The following NFKBIZ variants were observed in gnomAD, a reference collection of about 807,000 sequenced individuals.
NFKBIZ encodes NF-kappa-B inhibitor zeta.
NFKBIZ carries 19 observed loss-of-function variants against 76.8 expected under a neutral mutation model. The observed-to-expected ratio is 0.25, with a 90% confidence interval of 0.17 to 0.36. NFKBIZ has a LOEUF of 0.36. NFKBIZ is among the 10% of genes least tolerant of loss of function. NFKBIZ has a pLI of 1.00. For synonymous variants in NFKBIZ, 368 were observed against 354.8 expected, an observed-to-expected ratio of 1.04 and a Z score of -0.42; for missense variants, 829 against 910.9, an observed-to-expected ratio of 0.91 and a Z score of 1.16.
In NFKBIZ at chr3:101,854,653, C is replaced by T; in HGVS notation, c.1413C>T (p.His471=). The stretch of plus-strand genomic sequence containing the variant: ...TTGCAAGAAAGATGAATGCACTTCA[C>T]ATGCTGGATATTAAAGAGCACAATG... ...YVLARKMNAL[H]MLDIKEHNGQ... is the part of the protein sequence containing the mutation. The change falls in exon 6 of 12, where the codon CAC becomes CAT. Residue 471 remains histidine (H), a synonymous_variant. Coordinates refer to ENST00000326172, the MANE Select transcript of NFKBIZ (RefSeq NM_031419.4). 5 of 1,613,816 alleles carry T rather than the reference C, an allele frequency of 3.1e-6. No individual in the cohort carries two copies. The highest frequency in any genetic ancestry group is 4.2e-6 in the Non-Finnish European group (5 of 1,179,840).
At chr3:101,857,229 T>G in intron 10 of NFKBIZ, 46 bp downstream of exon 10, 2 of 1,612,228 alleles carry the variant, frequency 1.2e-6, no homozygotes, top group Middle Eastern at 3.3e-4. Flanking sequence ...CTCAAAGTTT[T>G]TGAGCTCCTT....
At chr3:101,853,939 G>T in intron 5 of NFKBIZ, 76 bp downstream of exon 5, 1 of 1,430,992 alleles carries the variant, frequency 7.0e-7, no homozygotes, top group Non-Finnish European at 9.6e-7. Context: ...AATTTTTCTA[G>T]GGTATAACAA....
intron 11 of NFKBIZ, among the ~76,000 whole-genome samples, chr3:101,858,889 G>A (rs1187772380): frequency 6.6e-6 from 1 of 152,184 alleles, no homozygotes; most frequent in East Asian, 1.9e-4. Context: ...TTACTTGTGT[G>A]TGTATCATAA....
rs1348195027 is a variant in NFKBIZ at position 101,853,664 on chromosome 3, A to G, written c.1138A>G (p.Ser380Gly). ...GCACAGCTTCAGCATGATGCCCAGC[A>G]GCGCCTGTGAGGCCATGGTGGGGCA... ...HLHSFSMMPSSACEAMVGHEM... is the reference protein window; with the variant it reads ...HLHSFSMMPSGACEAMVGHEM... Residue 380 changes from serine (S) to glycine (G), a missense_variant, in exon 5 of 12, where the codon AGC (serine) becomes GGC (glycine). Around this residue, in one of 4 missense-constraint regions of NFKBIZ, gnomAD observed 371 missense variants for 332.3 expected, o/e 1.12. Transcript: ENST00000326172. 1 of 1,614,274 alleles carries G rather than the reference A, an allele frequency of 6.2e-7. No individual in the cohort carries two copies. The highest frequency in any genetic ancestry group is 1.1e-5 in the South Asian group (1 of 91,088).
At chr3:101,832,054 G>A (rs189671702) in intron 2 of NFKBIZ, among the ~76,000 whole-genome samples, 3 of 152,152 alleles carry the variant, frequency 2.0e-5, no homozygotes, top group Admixed American at 2.0e-4. Flanking sequence ...GACTACTACA[G>A]GTGCATGCCA....
chr3:101,844,470 T>G (rs1377843258), intron 2 of NFKBIZ, among the ~76,000 whole-genome samples: 1 of 152,232 alleles, frequency 6.6e-6, no homozygotes, highest in African/African-American at 2.4e-5. Context: ...TACCCATTGC[T>G]TTTGTACCAT....
At chr3:101,854,473 C>A (rs1576817133) in intron 5 of NFKBIZ, 105 bp from the exon 6 acceptor site, 1 of 665,206 alleles carries the variant, frequency 1.5e-6, no homozygotes, top group Non-Finnish European at 2.6e-6. Flanking sequence ...TTGAGTGTAC[C>A]AATATATAAA....
chr3:101,830,785 A>T (rs931598666), intron 2 of NFKBIZ, among the ~76,000 whole-genome samples: 1 of 152,326 alleles, frequency 6.6e-6, no homozygotes, highest in South Asian at 2.1e-4. Flanking sequence ...TGCAGTGAAC[A>T]TACAGGTGCA....
chr3:101,855,304 A>G, intron 7 of NFKBIZ, 91 bp from the exon 8 acceptor site: 1 of 1,605,178 alleles, frequency 6.2e-7, no homozygotes, highest in Admixed American at 1.7e-5. Flanking sequence ...GCAATGATCT[A>G]TTTTGAGTTA....
upstream of NFKBIZ, chr3:101,849,218 AGGCGG>A (rs2107410176): frequency 9.9e-6 from 1 of 101,138 alleles, no homozygotes; most frequent in Admixed American, 9.8e-5. Context: ...GGGGTCCCGG[AGGCGG>A]GAGGCGGGAG....
chr3:101,840,324 A>G (rs986832164), intron 2 of NFKBIZ, among the ~76,000 whole-genome samples: 1 of 152,162 alleles, frequency 6.6e-6, no homozygotes, highest in East Asian at 1.9e-4. Flanking sequence ...TAGAAACCAG[A>G]AAACACTCTC....
intron 9 of NFKBIZ, among the ~76,000 whole-genome samples, chr3:101,856,330 G>A (rs1006946185): frequency 3.9e-5 from 6 of 152,320 alleles, no homozygotes; most frequent in South Asian, 2.1e-4. Flanking sequence ...GATTACAGGC[G>A]TGAGCCACCG....
Position 101,860,600 on chromosome 3 carries a change from T to C in NFKBIZ, c.*1229T>C, listed in dbSNP as rs1388806814. Reference sequence around the variant, plus strand: ...ACAACAAAAAGTCAGTATTGAAACATATCTTCCTGTTTTCTGTTGTCAAAT... The same window carrying C: ...ACAACAAAAAGTCAGTATTGAAACACATCTTCCTGTTTTCTGTTGTCAAAT... On this transcript the variant is annotated 3_prime_UTR_variant, in exon 12 of 12. Coordinates refer to ENST00000326172, the MANE Select transcript of NFKBIZ (RefSeq NM_031419.4). The C allele has an allele frequency of 2.6e-5, 4 of 152,166 alleles. No homozygotes were observed. The highest frequency in any genetic ancestry group is 5.9e-5 in the Non-Finnish European group (4 of 68,014). The allele number at this position is 152,166 out of a possible 1,614,324, so 9.4% of individuals were successfully genotyped here. A position where few individuals can be genotyped will look rare whatever the true frequency, so the allele number is the denominator to read the frequency against.
chr3:101,857,450 G>C lies in NFKBIZ; in HGVS notation c.2094G>C (p.Val698=). The change falls in exon 11 of 12, where the codon GTG becomes GTC. Residue 698 remains valine (V), a synonymous_variant. Transcript: ENST00000326172. ...TGCATTTGGTTCCCGATGGCCCTGT[G>C]GGAGAACAGGTGAGAGGCACAGGAG... ...QPVHLVPDGP[V]GEQIRRILKG... The C allele has an allele frequency of 6.2e-7, 1 of 1,614,080 alleles. No homozygotes were observed. Among genetic ancestry groups the C allele is most frequent in the African/African-American group, 1.3e-5 (1 of 75,048 alleles).
At position 101,860,081 on chromosome 3, in the gene NFKBIZ, T is replaced by TA. The variant is rs1386231619; in HGVS notation, c.*711dup. 9 of 152,216 alleles carry TA rather than the reference T, an allele frequency of 5.9e-5. No individual in the cohort carries two copies. Among genetic ancestry groups the TA allele is most frequent in the Admixed American group, 5.9e-4 (9 of 15,282 alleles). 9.4% of individuals were successfully genotyped at this position (152,216 alleles called of 1,614,324 possible). A position where few individuals can be genotyped will look rare whatever the true frequency, so the allele number is the denominator to read the frequency against. On this transcript the variant is annotated 3_prime_UTR_variant, in exon 12 of 12. Coordinates refer to ENST00000326172, the MANE Select transcript of NFKBIZ (RefSeq NM_031419.4). ...TTTGTAGATAAAGCAGATGGGGAGT[T>TA]ACGGAGTTGTTCCTTTACTGGCTGA... is the stretch of plus-strand genomic sequence containing the variant.
intron 4 of NFKBIZ, 26 bp from the exon 5 acceptor site, chr3:101,853,065 G>T (rs1191490576): frequency 3.7e-6 from 6 of 1,611,800 alleles, no homozygotes; most frequent in African/African-American, 2.7e-5. Context: ...AAGTGAGTGT[G>T]CAAGTTGCAT....
At chr3:101,838,465 TG>T (rs1942750505) in intron 2 of NFKBIZ, among the ~76,000 whole-genome samples, 1 of 152,234 alleles carries the variant, frequency 6.6e-6, no homozygotes, top group Non-Finnish European at 1.5e-5. Flanking sequence ...TTTTCTGTAA[TG>T]GGCCAAATAG....
intron 2 of NFKBIZ, among the ~76,000 whole-genome samples, chr3:101,841,564 G>A (rs1942785254): frequency 6.6e-6 from 1 of 152,164 alleles, no homozygotes; most frequent in Admixed American, 6.5e-5. Context: ...AAAATATGTG[G>A]TCTGATTTAC....
At chr3:101,852,855 G>T in intron 3 of NFKBIZ, 31 bp from the exon 4 acceptor site, 1 of 1,604,408 alleles carries the variant, frequency 6.2e-7, no homozygotes, top group Non-Finnish European at 8.5e-7. Context: ...AAAATAAAAT[G>T]ATGACAGAGG....
Sources: allele counts gnomAD v4.1 joint callset (sites outside exome capture counted in the v4.1 genomes callset), GRCh38; gene constraint gnomAD v4.1.1; regional missense constraint gnomAD v4.1.1; transcripts MANE v1.5; gene names NCBI Gene and HGNC (gene_info 2026-07-23, HGNC 2026-07-21).